Variants in TEK observed in about 807,000 individuals in gnomAD.
The protein encoded by TEK is TEK receptor tyrosine kinase, also known as angiopoietin-1 receptor.
In TEK, 43 loss-of-function variants were observed where a neutral mutation model predicts 131.8. The ratio of observed to expected loss-of-function variants is 0.33; its 90% CI spans 0.26 to 0.42. The LOEUF is 0.42. Ranked by LOEUF, TEK falls within the 10% of genes least tolerant of loss-of-function variation. The pLI, the probability that TEK is intolerant of heterozygous loss-of-function variation, is 1.00. For synonymous variants in TEK, 580 were observed against 491.6 expected (o/e 1.18, Z -2.38); for missense variants, 1,162 against 1,384.4 (o/e 0.84, Z 2.55).
intron 20 of TEK, among the ~76,000 whole-genome samples, chr9:27,219,398 A>G (rs1489045103): frequency 6.6e-6 from 1 of 152,168 alleles, no homozygotes; most frequent in African/African-American, 2.4e-5. Context: ...TAGAAAACCA[A>G]ACACCACATG....
intron 1 of TEK, among the ~76,000 whole-genome samples, chr9:27,115,241 G>A (rs1435829410): frequency 2.6e-5 from 4 of 152,184 alleles, no homozygotes; most frequent in Non-Finnish European, 5.9e-5. Context: ...GCTCACACCT[G>A]TAATCCTAGC....
chr9:27,180,175 C>T, intron 6 of TEK, 65 bp from the exon 7 acceptor site: 1 of 1,601,906 alleles, frequency 6.2e-7, no homozygotes, highest in East Asian at 2.2e-5. Flanking sequence ...AAACTAAACA[C>T]CTGCAGTCTT....
At chr9:27,219,557 T>A (rs28633295) in intron 20 of TEK, among the ~76,000 whole-genome samples, 1,653 of 152,188 alleles carry the variant, frequency 0.011, 23 homozygotes, top group African/African-American at 0.037. Context: ...AAAACCTAGA[T>A]GATGGGTCGA....
chr9:27,121,880 C>G (rs973647345), intron 1 of TEK, among the ~76,000 whole-genome samples: 1 of 152,102 alleles, frequency 6.6e-6, no homozygotes, highest in South Asian at 2.1e-4. Flanking sequence ...ATAACAAAAG[C>G]ATTTTGGGCG....
At chr9:27,147,742 G>A (rs1393616039) in intron 1 of TEK, among the ~76,000 whole-genome samples, 2 of 152,218 alleles carry the variant, frequency 1.3e-5, no homozygotes, top group Admixed American at 1.3e-4. Flanking sequence ...TGTATTTTTA[G>A]TGAATTTTTG....
intron 1 of TEK, among the ~76,000 whole-genome samples, chr9:27,126,390 A>G (rs1385523588): frequency 6.6e-6 from 1 of 152,206 alleles, no homozygotes; most frequent in Non-Finnish European, 1.5e-5. Flanking sequence ...AATATATCAC[A>G]AAAAGGACAC....
At chr9:27,138,976 G>A (rs1384237232) in intron 1 of TEK, among the ~76,000 whole-genome samples, 7 of 152,022 alleles carry the variant, frequency 4.6e-5, no homozygotes, top group Non-Finnish European at 8.8e-5. Context: ...TTGGGAGGCC[G>A]AGGTGGGTGG....
chr9:27,144,692 C>A (rs538860908), intron 1 of TEK, among the ~76,000 whole-genome samples: 104 of 152,168 alleles, frequency 6.8e-4, no homozygotes, highest in Non-Finnish European at 1.2e-3. Flanking sequence ...TCACATATGG[C>A]CTGGAAGACA....
chr9:27,164,443 C>T (rs1005631558), intron 2 of TEK, among the ~76,000 whole-genome samples: 6 of 151,940 alleles, frequency 3.9e-5, no homozygotes, highest in African/African-American at 1.2e-4. Context: ...CCTAAGCCTC[C>T]TGAGTAGCTG....
chr9:27,222,837 A>G (rs142334188), intron 21 of TEK, among the ~76,000 whole-genome samples: 51 of 152,318 alleles, frequency 3.3e-4, no homozygotes, highest in African/African-American at 1.2e-3. Context: ...GTGCAGCATA[A>G]TGACAGGATC....
At chr9:27,180,040 G>A (rs1233185591) in intron 6 of TEK, among the ~76,000 whole-genome samples, 200 bp from the exon 7 acceptor site, 1 of 152,148 alleles carries the variant, frequency 6.6e-6, no homozygotes, top group Non-Finnish European at 1.5e-5. Flanking sequence ...AAGTTGGCAT[G>A]ATAGGAGCTC....
At chr9:27,189,174 T>C (rs898316828) in intron 9 of TEK, among the ~76,000 whole-genome samples, 3 of 152,176 alleles carry the variant, frequency 2.0e-5, no homozygotes, top group Non-Finnish European at 4.4e-5. Context: ...AAGGGAACTA[T>C]AGAGCTCATT....
chr9:27,158,505 T>C (rs934886014), intron 2 of TEK, among the ~76,000 whole-genome samples: 1 of 152,188 alleles, frequency 6.6e-6, no homozygotes, highest in Non-Finnish European at 1.5e-5. Flanking sequence ...TCTTATTTGA[T>C]TTTTCATGTG....
rs1683058089 is a variant in TEK at position 27,197,454 on chromosome 9, G to T, written c.1764G>T (p.Gln588His). Residue 588 changes from glutamine (Q) to histidine (H), a missense_variant, in exon 12 of 23, where the codon CAG becomes CAT. Physicochemically the swap from Gln to His is conservative, Grantham distance 24. Transcript: ENST00000380036. ...VERRSVQKSD[Q>H]QNIKVPGNLT... ...GAAGGTCTGTGCAAAAAAGTGATCA[G>T]CAGAATATTAAAGTTCCAGGCAACT... 3 of 1,614,064 alleles carry T rather than the reference G, an allele frequency of 1.9e-6. No homozygotes were observed. The highest frequency in any genetic ancestry group is 2.5e-6 in the Non-Finnish European group (3 of 1,180,000).
intron 21 of TEK, among the ~76,000 whole-genome samples, chr9:27,220,868 C>T (rs1162130636): frequency 1.3e-5 from 2 of 152,210 alleles, no homozygotes; most frequent in South Asian, 2.1e-4. Flanking sequence ...TCGGCAGACA[C>T]CAAGCTAGCT....
At chr9:27,226,311 G>A (rs1225599752) in intron 21 of TEK, among the ~76,000 whole-genome samples, 1 of 152,198 alleles carries the variant, frequency 6.6e-6, no homozygotes, top group Non-Finnish European at 1.5e-5. Context: ...GTTCACAATA[G>A]CAAAGACTTG....
intron 11 of TEK, among the ~76,000 whole-genome samples, chr9:27,193,573 C>G (rs1024630733): frequency 6.6e-6 from 1 of 152,198 alleles, no homozygotes; most frequent in East Asian, 1.9e-4. Flanking sequence ...CATTGAAATA[C>G]TGGAGTGATC....
At chr9:27,155,761 G>GC (rs779696106) in intron 1 of TEK, among the ~76,000 whole-genome samples, 177 of 150,484 alleles carry the variant, frequency 1.2e-3, no homozygotes, top group Non-Finnish European at 2.2e-3. Context: ...ATGTTTTTTT[G>GC]CCCCAAAACA....
chr9:27,206,308 G>C (rs963934531), intron 14 of TEK, among the ~76,000 whole-genome samples: 1 of 152,138 alleles, frequency 6.6e-6, no homozygotes, highest in African/African-American at 2.4e-5. Context: ...CAAACACATG[G>C]AATATGTACT....
Sources: gnomAD v4.1 joint callset for allele counts (sites outside exome capture counted in the v4.1 genomes callset) on GRCh38, gnomAD v4.1.1 for gene constraint, MANE v1.5 for transcripts, NCBI Gene and HGNC (gene_info 2026-07-23, HGNC 2026-07-21) for gene names.